Variants in SAMD12 observed in about 807,000 individuals in gnomAD.
The protein encoded by SAMD12 is sterile alpha motif domain containing 12.
SAMD12 carries 9 observed loss-of-function variants against 15.0 expected under a neutral mutation model. That is an observed-to-expected ratio of 0.60 (90% CI 0.36 to 1.05). The LOEUF is 1.05. Ranked by LOEUF, SAMD12 falls within the 50% of genes least tolerant of loss-of-function variation. SAMD12 has a pLI of 0.01. For synonymous variants in SAMD12, 86 were observed against 90.1 expected (o/e 0.96, Z 0.25); for missense variants, 230 against 234.2 (o/e 0.98, Z 0.12).
intron 3 of SAMD12, among the ~76,000 whole-genome samples, chr8:118,418,386 T>C (rs1821819365): frequency 2.6e-5 from 4 of 152,008 alleles, no homozygotes; most frequent in Admixed American, 2.6e-4. Flanking sequence ...CCAGAGGTGA[T>C]AAAGAAGAAG....
intron 2 of SAMD12, among the ~76,000 whole-genome samples, chr8:118,554,371 A>T (rs1274032360): frequency 1.3e-5 from 2 of 152,096 alleles, no homozygotes; most frequent in African/African-American, 2.4e-5. Flanking sequence ...TGATGAGTTC[A>T]TGTCCTTTGT....
exon 5 of SAMD12, chr8:118,197,617 A>G (rs1365473741): frequency 1.9e-6 from 2 of 1,032,276 alleles, no homozygotes; most frequent in East Asian, 4.7e-5. Context: ...ATCCAAGGAT[A>G]TCTTCTGGCA....
chr8:118,395,219 T>C (rs954831739), intron 3 of SAMD12, among the ~76,000 whole-genome samples: 13 of 152,172 alleles, frequency 8.5e-5, no homozygotes, highest in African/African-American at 3.1e-4. Flanking sequence ...AGGTGAAATG[T>C]ATGGTACATC....
At chr8:118,497,905 T>G (rs1175464286) in intron 2 of SAMD12, among the ~76,000 whole-genome samples, 3 of 152,092 alleles carry the variant, frequency 2.0e-5, no homozygotes, top group East Asian at 3.9e-4. Context: ...TAATGAAATC[T>G]GAGATGTCAG....
intron 1 of SAMD12, among the ~76,000 whole-genome samples, chr8:118,608,100 C>T (rs183370292): frequency 6.6e-6 from 1 of 152,278 alleles, no homozygotes; most frequent in East Asian, 1.9e-4. Context: ...CTTCTTTCCA[C>T]CTCAGTACAT....
Position 118,238,988 on chromosome 8 carries a change from A to C in SAMD12, c.434-41256T>G, listed in dbSNP as rs146865426. ...CTTTTTTTACCATGGAAAAAAAGAAAACACCCAGATTCTTCTGTGAACCAG... is the reference window on the plus strand; with the variant it reads ...CTTTTTTTACCATGGAAAAAAAGAACACACCCAGATTCTTCTGTGAACCAG... On this transcript the variant is annotated intron_variant, in intron 4 of 4. Transcript: ENST00000409003. Among the ~76,000 whole-genome samples, 314 of 152,268 alleles carry C rather than the reference A, an allele frequency of 2.1e-3. 1 individual carries two copies. Among genetic ancestry groups the C allele is most frequent in the Admixed American group, 3.7e-3 (56 of 15,284 alleles).
chr8:118,587,916 TAA>T (rs1827492766), intron 1 of SAMD12, among the ~76,000 whole-genome samples: 1 of 152,198 alleles, frequency 6.6e-6, no homozygotes. Flanking sequence ...CCCTTCTTTT[TAA>T]AAGAGAAAAC....
chr8:118,460,021 T>C (rs1159397001), intron 2 of SAMD12, among the ~76,000 whole-genome samples: 2 of 152,176 alleles, frequency 1.3e-5, no homozygotes, highest in Non-Finnish European at 2.9e-5. Context: ...TATTTTAAAA[T>C]GAGGTGGTTA....
At chr8:118,454,970 C>G (rs573088810) in intron 2 of SAMD12, among the ~76,000 whole-genome samples, 26 of 152,342 alleles carry the variant, frequency 1.7e-4, no homozygotes, top group African/African-American at 6.3e-4. Flanking sequence ...CACCATTTCC[C>G]TCCTTTTTGA....
At chr8:118,534,195 C>T (rs1193080458) in intron 2 of SAMD12, among the ~76,000 whole-genome samples, 1 of 152,044 alleles carries the variant, frequency 6.6e-6, no homozygotes, top group East Asian at 1.9e-4. Context: ...TTCTCCTTCA[C>T]TTATGAAGCT....
chr8:118,453,217 T>A (rs1823135553), intron 2 of SAMD12, among the ~76,000 whole-genome samples: 1 of 152,168 alleles, frequency 6.6e-6, no homozygotes. Context: ...AAGACCTCTA[T>A]TTGGTCTGCT....
In SAMD12 at chr8:118,382,569, T is replaced by C. The variant is rs542416266; in HGVS notation, c.323-2869A>G. ...ATGAGTCAGAAAATTCTGTCAGTTA[T>C]AAAAGTTTATTCATTTTCCGACTGT... is the stretch of plus-strand genomic sequence containing the variant. On this transcript the variant is annotated intron_variant, in intron 3 of 3. Coordinates refer to ENST00000314727, the MANE Select transcript of SAMD12 (RefSeq NM_207506.3). Among the ~76,000 whole-genome samples, 27 of 152,364 alleles carry C rather than the reference T, an allele frequency of 1.8e-4. No individual in the cohort carries two copies. In the South Asian group the frequency reaches 5.2e-3, roughly 29 times the overall value.
At chr8:118,380,612 C>G (rs965932427) in intron 3 of SAMD12, among the ~76,000 whole-genome samples, 1 of 152,218 alleles carries the variant, frequency 6.6e-6, no homozygotes, top group Non-Finnish European at 1.5e-5. Context: ...ATGCCCATAG[C>G]ACCACCCACT....
chr8:118,176,856 T>A, the SAMD12 span, among the ~76,000 whole-genome samples: 1 of 152,170 alleles, frequency 6.6e-6, no homozygotes, highest in South Asian at 2.1e-4. Flanking sequence ...TAACATGGAA[T>A]GAAATTCCAA....
At chr8:118,269,261 T>TGC (rs1236468859) in intron 4 of SAMD12, among the ~76,000 whole-genome samples, 2 of 135,006 alleles carry the variant, frequency 1.5e-5, no homozygotes, top group East Asian at 4.8e-4. Flanking sequence ...TGTGTGTGTG[T>TGC]AAGCAGGAAA....
chr8:118,610,100 C>T (rs1044624918), intron 1 of SAMD12, among the ~76,000 whole-genome samples: 24 of 152,270 alleles, frequency 1.6e-4, no homozygotes, highest in African/African-American at 5.3e-4. Flanking sequence ...TAGCAATTTA[C>T]ACTAATTGTG....
intron 3 of SAMD12, among the ~76,000 whole-genome samples, chr8:118,433,423 T>TTTC (rs1335725798): frequency 1.3e-5 from 2 of 152,020 alleles, no homozygotes; most frequent in Admixed American, 1.3e-4. Context: ...TTTTTTTTTT[T>TTTC]TCTTAAATTG....
At position 118,360,546 on chromosome 8, in the gene SAMD12, CAAACA is replaced by C. The variant is rs1001189962; in HGVS notation, c.433+19009_433+19013del. ...TAAAAGAAAAAAAAAAACCACGAAA[CAAACA>C]AAACAAAACACAAAACAAAAAGGTA... On this transcript the variant is annotated intron_variant, in intron 4 of 4. Transcript: ENST00000409003. 4.6e-4 allele frequency among the ~76,000 whole-genome samples: 69 copies of C among 148,864 alleles called. No homozygotes were observed. In the Middle Eastern group the frequency reaches 0.014, roughly 30 times the overall value.
intron 2 of SAMD12, among the ~76,000 whole-genome samples, chr8:118,491,589 C>T (rs1031269825): frequency 6.6e-6 from 1 of 152,212 alleles, no homozygotes; most frequent in East Asian, 1.9e-4. Context: ...TGAGGAGTTG[C>T]CTTATTTCTT....
Sources: allele counts gnomAD v4.1 joint callset (sites outside exome capture counted in the v4.1 genomes callset), GRCh38; gene constraint gnomAD v4.1.1; transcripts MANE v1.5; gene names NCBI Gene and HGNC (gene_info 2026-07-23, HGNC 2026-07-21).